The following CEP135 variants were observed in gnomAD, a reference collection of about 807,000 sequenced individuals.
CEP135 encodes the protein centrosomal protein of 135 kDa.
CEP135 carries 142 observed loss-of-function variants against 157.3 expected under a neutral mutation model. The observed-to-expected ratio is 0.90, with a 90% CI of 0.79 to 1.04. CEP135 has a LOEUF of 1.04. Ranked by LOEUF, CEP135 falls within the 50% of genes least tolerant of loss-of-function variation. The pLI is 0.00. For missense variants in CEP135, 1,317 were observed against 1,309.2 expected (o/e 1.01, Z -0.09); for synonymous variants, 396 against 439.8 (o/e 0.90, Z 1.25).
Position 56,024,524 on chromosome 4 carries a change from G to T in CEP135, c.3344G>T (p.Arg1115Leu). The T allele has an allele frequency of 6.2e-7, 1 of 1,613,630 alleles. No homozygotes were observed. Among genetic ancestry groups the T allele is most frequent in the Non-Finnish European group, 8.5e-7 (1 of 1,179,762 alleles). ...AGAGAACGAGCAATCCAAGAGATGC[G>T]TCGACATGGTCTTGCTACACCACCC... is the stretch of plus-strand genomic sequence containing the variant. Reference protein sequence around the residue: ...YERERAIQEMRRHGLATPPLS... With the variant: ...YERERAIQEMLRHGLATPPLS... Residue 1115 changes from arginine to leucine, a missense_variant, in exon 25 of 26, where the codon CGT (arginine) becomes CTT (leucine). By Grantham distance (102) the Arg-to-Leu change is moderately radical. Transcript: ENST00000257287.
intron 15 of CEP135, among the ~76,000 whole-genome samples, chr4:55,995,255 T>G (rs1304432787): frequency 1.3e-5 from 2 of 152,198 alleles, no homozygotes; most frequent in Non-Finnish European, 2.9e-5. Context: ...GTCTTTTTTT[T>G]CCTTGTAAAT....
rs1729146394 is a variant in CEP135 at position 55,974,900 on chromosome 4, A to G, written c.1404A>G (p.Ile468Met). 2 of 1,613,586 alleles carry G rather than the reference A, an allele frequency of 1.2e-6. No individual in the cohort carries two copies. The highest frequency in any genetic ancestry group is 1.3e-5 in the African/African-American group (1 of 75,060). The part of the protein sequence containing the change: ...KKELERLQHI[I>M]QRRSCSTSYS... ...AGCTAGAGAGACTCCAACATATAAT[A>G]CAGCGAAGATCTTGCTCTACAAGTT... The change falls in exon 11 of 26, where the codon ATA (isoleucine) becomes ATG (methionine). Residue 468 changes from isoleucine (I) to methionine (M), a missense_variant. Physicochemically the swap from Ile to Met is conservative, Grantham distance 10. Coordinates refer to ENST00000257287, the MANE Select transcript of CEP135 (RefSeq NM_025009.5).
intron 11 of CEP135, among the ~76,000 whole-genome samples, chr4:55,978,931 CT>C (rs1285968593): frequency 6.6e-6 from 1 of 152,194 alleles, no homozygotes; most frequent in African/African-American, 2.4e-5. Flanking sequence ...CACTAATCTG[CT>C]TTTGTACTAT....
chr4:56,024,619 G>A lies in CEP135; in HGVS notation c.*11+5G>A. On this transcript the variant is annotated splice_donor_5th_base_variant and intron_variant, in intron 25 of 25. Transcript: ENST00000257287. Reference sequence around the variant, plus strand: ...AAATGTGTAATTATCAGAAAGGTATGTATGTAACACCAAGGACAGGCAAAA... The same window carrying A: ...AAATGTGTAATTATCAGAAAGGTATATATGTAACACCAAGGACAGGCAAAA... 3 of 1,557,428 alleles carry A rather than the reference G, an allele frequency of 1.9e-6. No individual in the cohort carries two copies. The highest frequency in any genetic ancestry group is 1.8e-6 in the Non-Finnish European group (2 of 1,128,842).
At chr4:56,026,429 A>G (rs1486634788) in intron 25 of CEP135, among the ~76,000 whole-genome samples, 3 of 152,214 alleles carry the variant, frequency 2.0e-5, no homozygotes, top group Non-Finnish European at 2.9e-5. Flanking sequence ...ACTTTTAGAC[A>G]TTTTATAAAT....
intron 12 of CEP135, among the ~76,000 whole-genome samples, chr4:55,980,892 G>GT (rs1209649204): frequency 2.6e-5 from 4 of 152,064 alleles, no homozygotes; most frequent in African/African-American, 9.7e-5. Context: ...CACTTAATGA[G>GT]TTTTTTGGGG....
chr4:55,977,169 A>G (rs573001793), intron 11 of CEP135, among the ~76,000 whole-genome samples: 4 of 152,312 alleles, frequency 2.6e-5, no homozygotes, highest in East Asian at 1.9e-4. Flanking sequence ...TTGGTAAACC[A>G]CAAAGATCAT....
intron 5 of CEP135, among the ~76,000 whole-genome samples, chr4:55,957,645 G>C (rs1484587644): frequency 6.6e-6 from 1 of 152,156 alleles, no homozygotes; most frequent in South Asian, 2.1e-4. Flanking sequence ...TTGACATTTT[G>C]TGTTGTCTCC....
intron 21 of CEP135, 97 bp from the exon 22 acceptor site, chr4:56,017,551 A>C: frequency 9.1e-7 from 1 of 1,100,682 alleles, no homozygotes; most frequent in Non-Finnish European, 1.3e-6. Context: ...ATTGGCTGTC[A>C]TATTTTTCTA....
intron 19 of CEP135, 122 bp from the exon 20 acceptor site, chr4:56,011,290 A>G (rs1466966768): frequency 1.2e-5 from 8 of 644,604 alleles, no homozygotes; most frequent in Admixed American, 6.6e-5. Flanking sequence ...AACACTTAGG[A>G]ACAGTTTTCC....
At chr4:55,972,939 G>A (rs1290055862) in intron 10 of CEP135, among the ~76,000 whole-genome samples, 1 of 152,160 alleles carries the variant, frequency 6.6e-6, no homozygotes, top group African/African-American at 2.4e-5. Context: ...GGCTGAGGCA[G>A]GAGAATCGCT....
intron 25 of CEP135, among the ~76,000 whole-genome samples, chr4:56,030,275 T>C (rs1434575296): frequency 6.6e-6 from 1 of 152,184 alleles, no homozygotes; most frequent in African/African-American, 2.4e-5. Flanking sequence ...TATTTTTTAA[T>C]GAGTAAGAGT....
At chr4:56,024,374 G>T in intron 24 of CEP135, 127 bp from the exon 25 acceptor site, 1 of 581,932 alleles carries the variant, frequency 1.7e-6, no homozygotes, top group Non-Finnish European at 3.0e-6. Flanking sequence ...AAAGACATAG[G>T]ATTTAAATTT....
At chr4:55,956,260 A>G (rs543789126) in intron 4 of CEP135, among the ~76,000 whole-genome samples, 2 of 152,178 alleles carry the variant, frequency 1.3e-5, no homozygotes, top group Non-Finnish European at 2.9e-5. Flanking sequence ...ATTGTGGATT[A>G]TGTTTGTTCT....
At chr4:55,961,536 G>A (rs1159243527) in intron 6 of CEP135, among the ~76,000 whole-genome samples, 2 of 151,904 alleles carry the variant, frequency 1.3e-5, no homozygotes, top group Admixed American at 1.3e-4. Context: ...AGGCTGAGGC[G>A]AGCAGATCAC....
chr4:56,026,769 A>T (rs578123555), intron 25 of CEP135, among the ~76,000 whole-genome samples: 13 of 152,200 alleles, frequency 8.5e-5, no homozygotes, highest in Non-Finnish European at 1.6e-4. Context: ...GATCAAAGGG[A>T]TGTGCTGATT....
chr4:55,965,577 T>C (rs926537501), intron 7 of CEP135, 67 bp from the exon 8 acceptor site: 31 of 1,029,804 alleles, frequency 3.0e-5, no homozygotes, highest in Non-Finnish European at 4.3e-5. Flanking sequence ...TGAAGTATTA[T>C]TTGGAAAGTC....
chr4:55,985,947 A>C (rs1426253187), intron 14 of CEP135, among the ~76,000 whole-genome samples: 1 of 152,140 alleles, frequency 6.6e-6, no homozygotes, highest in Non-Finnish European at 1.5e-5. Flanking sequence ...CTCCAAAAAA[A>C]ATCACAAAAT....
In CEP135 at chr4:55,981,327, C is replaced by T. The variant is rs1290933327; in HGVS notation, c.1727C>T (p.Ser576Phe). Residue 576 changes from serine (S) to phenylalanine (F), a missense_variant, in exon 13 of 26, where the codon TCT (serine) becomes TTT (phenylalanine). Coordinates refer to ENST00000257287, the MANE Select transcript of CEP135 (RefSeq NM_025009.5). ...LMEKEKELAL[S>F]DLRRIMAEKE... ...GAAAAGGAAAAAGAACTTGCGTTAT[C>T]TGACTTAAGAAGAATTATGGCAGAA... The T allele has an allele frequency of 3.1e-6, 5 of 1,595,550 alleles. No homozygotes were observed. Among genetic ancestry groups the T allele is most frequent in the Non-Finnish European group, 2.6e-6 (3 of 1,174,374 alleles).
Sources: gnomAD v4.1 joint callset for allele counts (sites outside exome capture counted in the v4.1 genomes callset) on GRCh38, gnomAD v4.1.1 for gene constraint, MANE v1.5 for transcripts, NCBI Gene and HGNC (gene_info 2026-07-23, HGNC 2026-07-21) for gene names.